The following PCDHA12 variants were observed in gnomAD, a reference collection of about 807,000 sequenced individuals.
PCDHA12 encodes the protein protocadherin alpha-12.
PCDHA12 carries 44 observed loss-of-function variants against 60.0 expected under a neutral mutation model. The ratio of observed to expected loss-of-function variants is 0.73; its 90% CI spans 0.58 to 0.94. The LOEUF (loss-of-function observed/expected upper bound fraction) is 0.94. PCDHA12 is among the 40% of genes least tolerant of loss of function. The pLI, the probability that PCDHA12 is intolerant of heterozygous loss-of-function variation, is 0.00. For synonymous variants in PCDHA12, 569 were observed against 553.0 expected, an observed-to-expected ratio of 1.03 and a Z score of -0.40; for missense variants, 1,276 against 1,239.7, an observed-to-expected ratio of 1.03 and a Z score of -0.44.
At chr5:140,880,258 A>G (rs1278819523) in intron 1 of PCDHA12, among the ~76,000 whole-genome samples, 3 of 152,246 alleles carry the variant, frequency 2.0e-5, no homozygotes. Flanking sequence ...GTATGTATAC[A>G]TATTTTAGTT....
chr5:140,971,958 CT>C (rs1176007834), intron 1 of PCDHA12, among the ~76,000 whole-genome samples: 2 of 152,172 alleles, frequency 1.3e-5, no homozygotes, highest in African/African-American at 2.4e-5. Context: ...ACTCCAAAAA[CT>C]TTTTTTCAAT....
At chr5:140,913,934 G>C (rs1554196103) in intron 1 of PCDHA12, among the ~76,000 whole-genome samples, 1 of 152,102 alleles carries the variant, frequency 6.6e-6, no homozygotes, top group African/African-American at 2.4e-5. Context: ...TGTGGTCAGA[G>C]AAGAATCTTG....
intron 2 of PCDHA12, 141 bp downstream of exon 2, chr5:140,979,148 C>G: frequency 6.9e-7 from 1 of 1,441,158 alleles, no homozygotes; most frequent in South Asian, 1.5e-5. Context: ...TTATTTTGTC[C>G]CCATGTTTAT....
rs1554169995 is a variant in PCDHA12, at chr5:140,877,699, A to G, written c.2227A>G (p.Ser743Gly). 1.2e-6 allele frequency: 2 copies of G among 1,613,896 alleles called. No homozygotes were observed. The highest frequency in any genetic ancestry group is 1.7e-4 in the Middle Eastern group (1 of 6,056). ...GGGCAAGCCCACGCTGGTGTGCTCC[A>G]GCGCCGTGGGGAGTTGGTCTTACTC... ...APGKPTLVCS[S>G]AVGSWSYSQQ... Residue 743 changes from serine (S) to glycine (G), a missense_variant, in exon 1 of 4, where the codon AGC (serine) becomes GGC (glycine). Transcript: ENST00000398631.
chr5:140,995,674 A>AT (rs1240189428), intron 3 of PCDHA12, among the ~76,000 whole-genome samples: 2 of 152,112 alleles, frequency 1.3e-5, no homozygotes, highest in South Asian at 2.1e-4. Context: ...TAAATGCAGC[A>AT]TTTTTTTTAA....
In PCDHA12 at chr5:141,009,754, C is replaced by A. The variant is rs200585286; in HGVS notation, c.2643C>A (p.Ile881=). 18 of 1,614,022 alleles carry A rather than the reference C, an allele frequency of 1.1e-5. No individual in the cohort carries two copies. Among genetic ancestry groups the A allele is most frequent in the Non-Finnish European group, 1.5e-5 (18 of 1,180,034 alleles). ...GTGAGTTGCCCGACAAATTCATTAT[C>A]CCAGGATCTCCTGCAATCATCTCCA... The part of the protein sequence containing the change: ...GPGELPDKFI[I]PGSPAIISIR... The change falls in exon 4 of 4, where the codon ATC becomes ATA. Residue 881 remains isoleucine, a synonymous_variant. Coordinates refer to ENST00000398631, the MANE Select transcript of PCDHA12 (RefSeq NM_018903.4).
chr5:140,978,845 T>C, intron 1 of PCDHA12, 104 bp from the exon 2 acceptor site: 7 of 1,569,708 alleles, frequency 4.5e-6, no homozygotes, highest in Non-Finnish European at 6.1e-6. Flanking sequence ...AATACTTTTT[T>C]AGATGCCTGG....
In PCDHA12 at chr5:140,877,407, C is replaced by G. The variant is rs1554169686; in HGVS notation, c.1935C>G (p.His645Gln). The G allele has an allele frequency of 1.2e-6, 2 of 1,613,824 alleles. No individual in the cohort carries two copies. The highest frequency in any genetic ancestry group is 2.7e-5 in the African/African-American group (2 of 74,928). The change falls in exon 1 of 4, where the codon CAC (histidine) becomes CAG (glutamine). Residue 645 changes from histidine to glutamine, a missense_variant. His to Gln is a conservative substitution (Grantham distance 24). Coordinates refer to ENST00000398631, the MANE Select transcript of PCDHA12 (RefSeq NM_018903.4). ...RILDEADAPRHRLLVLVKDHG... is the reference protein window; with the variant it reads ...RILDEADAPRQRLLVLVKDHG... ...TGGATGAGGCGGACGCTCCGCGCCA[C>G]CGCCTGCTGGTGCTGGTGAAGGACC...
chr5:140,912,222 C>G (rs782160814), intron 1 of PCDHA12, among the ~76,000 whole-genome samples: 2 of 151,926 alleles, frequency 1.3e-5, no homozygotes, highest in Non-Finnish European at 2.9e-5. Flanking sequence ...CTGCCTTTCC[C>G]AGTCCACTGA....
chr5:140,908,399 C>T (rs180728730), intron 1 of PCDHA12, among the ~76,000 whole-genome samples: 51 of 152,258 alleles, frequency 3.3e-4, no homozygotes, highest in African/African-American at 9.9e-4. Flanking sequence ...ACATATATAC[C>T]ACTTCCATTT....
In PCDHA12 at chr5:140,903,730, A is replaced by G. The variant is rs2070542594; in HGVS notation, c.2367+25891A>G. Among the ~76,000 whole-genome samples, 4 of 152,350 alleles carry G rather than the reference A, an allele frequency of 2.6e-5. No homozygotes were observed. In the South Asian group the frequency reaches 8.3e-4, roughly 32 times the overall value. ...AAATATACAATTCTCCCTATTATCA[A>G]TTATTACAGAATGTTTCCCTTGATT... is the stretch of plus-strand genomic sequence containing the variant. On this transcript the variant is annotated intron_variant, in intron 1 of 3. Transcript: ENST00000398631.
At chr5:140,928,074 C>T (rs781992001) in intron 1 of PCDHA12, 1 of 1,614,216 alleles carries the variant, frequency 6.2e-7, no homozygotes, top group Admixed American at 1.7e-5. Flanking sequence ...TTGACAACTA[C>T]TACAGCCTGC....
chr5:140,885,965 A>C (rs2060792569), intron 1 of PCDHA12, among the ~76,000 whole-genome samples: 1 of 152,070 alleles, frequency 6.6e-6, no homozygotes, highest in African/African-American at 2.4e-5. Context: ...TTTTATTTTG[A>C]GATAATTATA....
chr5:140,898,794 T>C (rs1487494121), intron 1 of PCDHA12, among the ~76,000 whole-genome samples: 4 of 152,236 alleles, frequency 2.6e-5, no homozygotes, highest in Non-Finnish European at 4.4e-5. Context: ...ATGGCCATTT[T>C]CACGATACTG....
chr5:140,981,260 T>C (rs975813904), intron 2 of PCDHA12, among the ~76,000 whole-genome samples: 11 of 152,324 alleles, frequency 7.2e-5, no homozygotes, highest in African/African-American at 2.4e-4. Flanking sequence ...ACTTTCAAGA[T>C]AAGCAAATGT....
rs1443126988 is a variant in PCDHA12 at position 140,960,088 on chromosome 5, A to G, written c.2368-18861A>G. Among the ~76,000 whole-genome samples, 6 of 152,248 alleles carry G rather than the reference A, an allele frequency of 3.9e-5. No homozygotes were observed. The East Asian group carries it at 5.8e-4, about 15-fold the overall frequency. ...TTCAATTGAAGTTTCTAAAAGAGAA[A>G]GAAACTTGTAGTTGTGGGAACAATA... On this transcript the variant is annotated intron_variant, in intron 1 of 3. Coordinates refer to ENST00000398631, the MANE Select transcript of PCDHA12 (RefSeq NM_018903.4).
At chr5:140,915,190 G>A (rs1317793585) in intron 1 of PCDHA12, among the ~76,000 whole-genome samples, 1 of 151,978 alleles carries the variant, frequency 6.6e-6, no homozygotes, top group Non-Finnish European at 1.5e-5. Context: ...CTAGTGATCC[G>A]CCCATCTTGG....
At position 141,001,667 on chromosome 5, in the gene PCDHA12, A is replaced by G. The variant is rs949508860; in HGVS notation, c.2516-7960A>G. ...GTGTGGGAGAAGGCGGAGCTTGTCC[A>G]GTCGGTCCAACAAACCCCACAGATG... is the stretch of plus-strand genomic sequence containing the variant. On this transcript the variant is annotated intron_variant, in intron 3 of 3. Coordinates refer to ENST00000398631, the MANE Select transcript of PCDHA12 (RefSeq NM_018903.4). Among the ~76,000 whole-genome samples, 9 of 152,268 alleles carry G rather than the reference A, an allele frequency of 5.9e-5. 1 individual carries two copies. In the East Asian group the frequency reaches 1.7e-3, roughly 29 times the overall value.
Position 140,941,209 on chromosome 5 carries a change from T to TCCTTTCTTTCTTTC in PCDHA12, c.2368-37740_2368-37739insCCTTTCTTTCTTTC, listed in dbSNP as rs59604197. 5.4e-4 allele frequency among the ~76,000 whole-genome samples: 69 copies of TCCTTTCTTTCTTTC among 126,992 alleles called. 1 individual carries two copies. Among genetic ancestry groups the TCCTTTCTTTCTTTC allele is most frequent in the African/African-American group, 2.2e-3 (68 of 31,202 alleles). The allele number at this position is 126,992 out of a possible 152,430, so 83.3% of individuals were successfully genotyped here. On this transcript the variant is annotated intron_variant, in intron 1 of 3. Coordinates refer to ENST00000398631, the MANE Select transcript of PCDHA12 (RefSeq NM_018903.4). ...TCTTTTTTTTTCTTTCTTCCTTTCT[T>TCCTTTCTTTCTTTC]TCTTCCTTTCTTTCTTTCTTTCTTT...
Sources: allele counts gnomAD v4.1 joint callset (sites outside exome capture counted in the v4.1 genomes callset), GRCh38; gene constraint gnomAD v4.1.1; transcripts MANE v1.5; gene names NCBI Gene and HGNC (gene_info 2026-07-23, HGNC 2026-07-21).